The following MYH4 variants were observed in gnomAD, a reference collection of about 807,000 sequenced individuals.
The protein encoded by MYH4 is myosin heavy chain 4, also known as myosin-4.
MYH4 carries 200 observed loss-of-function variants against 229.9 expected under a neutral mutation model. That is an observed-to-expected ratio of 0.87 (90% CI 0.78 to 0.98). MYH4 has a LOEUF of 0.98. Among genes scored for constraint, MYH4 ranks in the 50% least tolerant of loss-of-function variants. The pLI is 0.00. For missense variants in MYH4, 2,148 were observed against 2,332.6 expected (o/e 0.92, Z 1.63); for synonymous variants, 761 against 834.6 (o/e 0.91, Z 1.52).
At position 10,460,334 on chromosome 17, in the gene MYH4, G is replaced by T; in HGVS notation, c.1148-13C>A. On this transcript the variant is annotated splice_polypyrimidine_tract_variant and intron_variant, in intron 12 of 39. Transcript: ENST00000255381. ...GCTTTGTCAGCAACTGTGTGAACAA[G>T]GTGAGAATGGTGAAACTGACCATGG... The T allele has an allele frequency of 6.5e-7, 1 of 1,547,784 alleles. No individual in the cohort carries two copies. The highest frequency in any genetic ancestry group is 1.4e-5 in the African/African-American group (1 of 73,300).
At chr17:10,445,172 T>C (rs1327539296) in intron 36 of MYH4, 26 bp from the exon 37 acceptor site, 1 of 1,614,070 alleles carries the variant, frequency 6.2e-7, no homozygotes, top group Non-Finnish European at 8.5e-7. Flanking sequence ...ATTTTGAAAA[T>C]AATGAATTCT....
At chr17:10,457,855 G>GACTGCTTC in intron 15 of MYH4, 126 bp from the exon 16 acceptor site, 2 of 1,276,546 alleles carry the variant, frequency 1.6e-6, no homozygotes, top group Non-Finnish European at 2.1e-6. Flanking sequence ...AAATAGGCAT[G>GACTGCTTC]ACATGTGAAG....
chr17:10,443,645 G>A lies in MYH4; in HGVS notation c.5668-118C>T, dbSNP rs143709663. ...GAAAGAAAAAGGCTCCGTTGTCCAGGCATGGTGGCTCACACCTGTAATCCC... is the reference window on the plus strand; with the variant it reads ...GAAAGAAAAAGGCTCCGTTGTCCAGACATGGTGGCTCACACCTGTAATCCC... On this transcript the variant is annotated intron_variant, in intron 39 of 39. Transcript: ENST00000255381. This position sits in a 1 kb window ranked among gnomAD's most constrained non-coding sequence, Gnocchi z 4.6. The A allele has an allele frequency of 2.4e-4, 263 of 1,104,242 alleles. 1 individual carries two copies. The highest frequency in any genetic ancestry group is 2.0e-3 in the Admixed American group (79 of 39,564). The allele number at this position is 1,104,242 out of a possible 1,614,324, so 68.4% of individuals were successfully genotyped here. A position where few individuals can be genotyped will look rare whatever the true frequency, so the allele number is the denominator to read the frequency against.
At chr17:10,454,470 C>T in intron 22 of MYH4, 85 bp downstream of exon 22, 3 of 1,519,714 alleles carry the variant, frequency 2.0e-6, no homozygotes, top group South Asian at 2.7e-5. Flanking sequence ...AGCAAACAAT[C>T]AGAACAAATG....
intron 35 of MYH4, among the ~76,000 whole-genome samples, chr17:10,445,783 C>G (rs1480678645): frequency 6.6e-6 from 1 of 152,030 alleles, no homozygotes; most frequent in Non-Finnish European, 1.5e-5. Context: ...AATCCCAGCA[C>G]TTTGGGAGGC....
chr17:10,465,401 C>T (rs947246864), intron 5 of MYH4, 41 bp downstream of exon 5: 165 of 1,607,964 alleles, frequency 1.0e-4, no homozygotes, highest in Non-Finnish European at 1.4e-4. Context: ...CAGTATACAA[C>T]TATTTTACAA....
In MYH4 at chr17:10,465,483, A is replaced by T; in HGVS notation, c.464T>A (p.Ile155Asn). 1 of 1,614,092 alleles carries T rather than the reference A, an allele frequency of 6.2e-7. No homozygotes were observed. The highest frequency in any genetic ancestry group is 8.5e-7 in the Non-Finnish European group (1 of 1,180,026). ...GKKRQEAPPH[I>N]FSISDNAYQF... is the part of the protein sequence containing the mutation. ...ATAGGCATTGTCAGAGATGGAGAAG[A>T]TATGGGGTGGGGCCTCCTGGCGCTT... is the stretch of plus-strand genomic sequence containing the variant. Residue 155 changes from isoleucine to asparagine, a missense_variant, in exon 5 of 40, where the codon ATC becomes AAC. Transcript: ENST00000255381.
rs1451792201 is a variant in MYH4 at position 10,463,101 on chromosome 17, G to A, written c.893C>T (p.Pro298Leu). The A allele has an allele frequency of 2.5e-6, 4 of 1,611,510 alleles. No homozygotes were observed. Among genetic ancestry groups the A allele is most frequent in the Middle Eastern group, 1.7e-4 (1 of 6,056 alleles). The change falls in exon 10 of 40, where the codon CCA becomes CTA. Residue 298 changes from proline (P) to leucine (L), a missense_variant. Pro to Leu is a moderately conservative substitution (Grantham distance 98). Transcript: ENST00000255381. ...AAGATGTGTCTTACCAATGAGCTCT[G>A]GTTTCTTATTGGACAGGATTTGATA... ...IFYQILSNKK[P>L]ELIEMLLITT...
Position 10,455,057 on chromosome 17 carries a change from C to T in MYH4, c.2319G>A (p.Leu773=), listed in dbSNP as rs764858251. 2 of 1,614,162 alleles carry T rather than the reference C, an allele frequency of 1.2e-6. No homozygotes were observed. The highest frequency in any genetic ancestry group is 1.1e-5 in the South Asian group (1 of 91,076). The change falls in exon 21 of 40, where the codon CTG becomes CTA. Residue 773 remains leucine, a synonymous_variant. Transcript: ENST00000255381. ...CTCGCATTTCCTCTAGAGTTCCCAG[C>T]AGGCCAGCTTTGAAGAAAACCTTAT... ...GHTKVFFKAG[L]LGTLEEMRDE...
chr17:10,456,687 T>A (rs1322215917), intron 16 of MYH4, 132 bp from the exon 17 acceptor site: 6 of 665,250 alleles, frequency 9.0e-6, no homozygotes, highest in Non-Finnish European at 1.3e-5. Flanking sequence ...TCCTATTCTT[T>A]CCATATCTCT....
intron 11 of MYH4, 71 bp from the exon 12 acceptor site, chr17:10,461,125 T>C (rs1032178586): frequency 4.5e-6 from 7 of 1,558,796 alleles, no homozygotes; most frequent in African/African-American, 1.4e-5. Flanking sequence ...ACCGGGGCTG[T>C]CTCCCACTTT....
rs1330020657 is a variant in MYH4, at chr17:10,450,909, A to T, written c.3866-14T>A. ...GTGAAAACTCACCTGTGGAAGACAA[A>T]ACATCAATGATTTAGTTCTGTTGTC... On this transcript the variant is annotated splice_polypyrimidine_tract_variant and intron_variant, in intron 28 of 39. Coordinates refer to ENST00000255381, the MANE Select transcript of MYH4 (RefSeq NM_017533.2). 6.4e-7 allele frequency: 1 copy of T among 1,570,816 alleles called. No homozygotes were observed. Among genetic ancestry groups the T allele is most frequent in the Non-Finnish European group, 8.8e-7 (1 of 1,140,974 alleles).
chr17:10,456,645 A>C (rs1270172605), intron 16 of MYH4, 90 bp from the exon 17 acceptor site: 1 of 1,000,134 alleles, frequency 1.0e-6, no homozygotes, highest in Admixed American at 1.9e-5. Context: ...TTCCCTTTAG[A>C]ATTTAAATTT....
intron 23 of MYH4, 31 bp downstream of exon 23, chr17:10,453,612 T>C (rs769458885): frequency 6.2e-7 from 1 of 1,613,896 alleles, no homozygotes; most frequent in African/African-American, 1.3e-5. Flanking sequence ...AAGGTGCTTA[T>C]AAATATTCTA....
intron 19 of MYH4, 96 bp downstream of exon 19, chr17:10,455,518 A>C (rs1002643497): frequency 6.7e-7 from 1 of 1,485,142 alleles, no homozygotes; most frequent in African/African-American, 1.4e-5. Flanking sequence ...AAATAATTGC[A>C]TGTCATTTTT....
chr17:10,466,256 G>T lies in MYH4; in HGVS notation c.348+17C>A. ...GAATGTGGAGTGAGTGAGAAATAGCGTTGAAAGGGTGCTCACGTAGATCAT... is the reference window on the plus strand; with the variant it reads ...GAATGTGGAGTGAGTGAGAAATAGCTTTGAAAGGGTGCTCACGTAGATCAT... On this transcript the variant is annotated intron_variant, in intron 4 of 39. Coordinates refer to ENST00000255381, the MANE Select transcript of MYH4 (RefSeq NM_017533.2). The T allele has an allele frequency of 6.2e-7, 1 of 1,612,312 alleles. No homozygotes were observed. The highest frequency in any genetic ancestry group is 1.1e-5 in the South Asian group (1 of 90,628).
chr17:10,453,990 T>C, intron 22 of MYH4, 105 bp from the exon 23 acceptor site: 1 of 1,424,610 alleles, frequency 7.0e-7, no homozygotes, highest in Non-Finnish European at 9.5e-7. Context: ...TTGGTCAACA[T>C]GTATACCAGT....
At chr17:10,461,075 G>A (rs767833988) in intron 11 of MYH4, 21 bp from the exon 12 acceptor site, 1 of 1,613,374 alleles carries the variant, frequency 6.2e-7, no homozygotes, top group Non-Finnish European at 8.5e-7. Context: ...AGTTGAATTT[G>A]CTCATCCCCA....
chr17:10,455,108 T>A (rs1448665434), intron 20 of MYH4, 31 bp from the exon 21 acceptor site: 3 of 1,614,110 alleles, frequency 1.9e-6, no homozygotes, highest in Non-Finnish European at 2.5e-6. Flanking sequence ...ATATGTTATT[T>A]CCACTTACAG....
Sources: gnomAD v4.1 joint callset for allele counts (sites outside exome capture counted in the v4.1 genomes callset) on GRCh38, gnomAD v4.1.1 for gene constraint, Gnocchi (gnomAD v3.1) non-coding constraint, MANE v1.5 for transcripts, NCBI Gene and HGNC (gene_info 2026-07-23, HGNC 2026-07-21) for gene names.